PKP4: variants seen among roughly 807,000 people sequenced by gnomAD.
PKP4 encodes the protein plakophilin 4, also known as plakophilin-4.
Under a neutral mutation model 145.1 loss-of-function variants are expected in PKP4, and 90 were observed. The observed-to-expected ratio is 0.62, with a 90% CI of 0.52 to 0.74. The LOEUF (loss-of-function observed/expected upper bound fraction) is 0.74, where lower values mean the gene tolerates loss of function less well. Among genes scored for constraint, PKP4 ranks in the 30% least tolerant of loss-of-function variants. The pLI is 0.00. For missense variants in PKP4, 1,340 were observed against 1,482.7 expected (o/e 0.90, Z 1.58); for synonymous variants, 563 against 577.2 (o/e 0.98, Z 0.35).
intron 1 of PKP4, among the ~76,000 whole-genome samples, chr2:158,528,215 T>C (rs1311035722): frequency 7.2e-6 from 1 of 138,654 alleles, no homozygotes; most frequent in Non-Finnish European, 1.7e-5. Flanking sequence ...TTATTCACAA[T>C]AGCAAAGACT....
At chr2:158,467,586 C>A (rs1690836128) in intron 1 of PKP4, among the ~76,000 whole-genome samples, 1 of 150,760 alleles carries the variant, frequency 6.6e-6, no homozygotes, top group Non-Finnish European at 1.5e-5. Flanking sequence ...TGGCTCGCTC[C>A]TGTAATCTAA....
chr2:158,680,276 G>A (rs528278099), intron 21 of PKP4, among the ~76,000 whole-genome samples, 153 bp from the exon 22 acceptor site: 4 of 152,290 alleles, frequency 2.6e-5, no homozygotes, highest in Admixed American at 6.5e-5. Flanking sequence ...AATAGTAAAC[G>A]CATAGTGTGC....
intron 3 of PKP4, among the ~76,000 whole-genome samples, chr2:158,577,784 A>G (rs547426349): frequency 2.0e-4 from 31 of 152,270 alleles, no homozygotes; most frequent in African/African-American, 6.5e-4. Context: ...AATGTCTTCA[A>G]TTTACTTTGG....
chr2:158,594,516 GGGGACTAAC>G (rs1176688862), intron 3 of PKP4, among the ~76,000 whole-genome samples: 2 of 152,078 alleles, frequency 1.3e-5, no homozygotes, highest in Non-Finnish European at 1.5e-5. Context: ...TAGGAAGAGA[GGGGACTAAC>G]GGCCATTCTG....
At chr2:158,601,700 C>T (rs2050244455) in intron 3 of PKP4, among the ~76,000 whole-genome samples, 1 of 152,148 alleles carries the variant, frequency 6.6e-6, no homozygotes, top group African/African-American at 2.4e-5. Context: ...ACCCTGCTTG[C>T]AATTCGTTCA....
At chr2:158,548,001 T>C (rs1305547124) in intron 2 of PKP4, among the ~76,000 whole-genome samples, 1 of 152,242 alleles carries the variant, frequency 6.6e-6, no homozygotes, top group Non-Finnish European at 1.5e-5. Flanking sequence ...GATTTGTTCA[T>C]CTTAACATTT....
chr2:158,625,282 G>T lies in PKP4; in HGVS notation c.1008G>T (p.Ser336=), dbSNP rs200934987. The T allele has an allele frequency of 1.2e-5, 19 of 1,614,008 alleles. No individual in the cohort carries two copies. The highest frequency in any genetic ancestry group is 8.3e-5 in the Admixed American group (5 of 60,002). Residue 336 remains serine, a synonymous_variant, in exon 7 of 22, where the codon TCG becomes TCT. Transcript: ENST00000389759. ...CATCCCAAGGCCAGGTGGGGTCGTC[G>T]TCCCCCAAACGCTCAGGGATGACCG... ...ASPSQGQVGS[S]SPKRSGMTAV...
chr2:158,553,079 G>T (rs937559942), intron 2 of PKP4, among the ~76,000 whole-genome samples: 1 of 152,158 alleles, frequency 6.6e-6, no homozygotes, highest in Non-Finnish European at 1.5e-5. Context: ...GGATATTTAG[G>T]TAAAGAGATT....
In PKP4 at chr2:158,625,375, G is replaced by A. The variant is rs763663571; in HGVS notation, c.1101G>A (p.Gln367=). 3 of 1,614,182 alleles carry A rather than the reference G, an allele frequency of 1.9e-6. No individual in the cohort carries two copies. The highest frequency in any genetic ancestry group is 2.5e-6 in the Non-Finnish European group (3 of 1,180,018). ...ATGACATGGAGCAATTCGGACAGCA[G>A]CAGTATGACATTTATGAGAGGATGG... is the stretch of plus-strand genomic sequence containing the variant. ...TVHDMEQFGQ[Q]QYDIYERMVP... Residue 367 remains glutamine, a synonymous_variant, in exon 7 of 22, where the codon CAG becomes CAA. Transcript: ENST00000389759.
chr2:158,666,488 A>G lies in PKP4; in HGVS notation c.2653A>G (p.Asn885Asp). The G allele has an allele frequency of 1.2e-6, 2 of 1,613,666 alleles. No homozygotes were observed. The highest frequency in any genetic ancestry group is 8.5e-7 in the Non-Finnish European group (1 of 1,179,790). ...CCTTGTGGAGCTTCTGAGAATGGAT[A>G]ACGATAGAGTTGTTTCTTCCGTGGC... ...PILVELLRMD[N>D]DRVVSSVATA... Residue 885 changes from asparagine to aspartate, a missense_variant, in exon 16 of 22, where the codon AAC becomes GAC. By Grantham distance (23) the Asn-to-Asp change is conservative (BLOSUM62 1). Transcript: ENST00000389759.
chr2:158,537,139 A>G (rs1167598780), intron 2 of PKP4, among the ~76,000 whole-genome samples: 1 of 152,232 alleles, frequency 6.6e-6, no homozygotes, highest in African/African-American at 2.4e-5. Context: ...GTTCACAGAA[A>G]CATTGTGAGC....
At chr2:158,461,786 T>C (rs1000477293) in intron 1 of PKP4, among the ~76,000 whole-genome samples, 7 of 152,078 alleles carry the variant, frequency 4.6e-5, no homozygotes, top group African/African-American at 1.7e-4. Context: ...TTAGTACTGC[T>C]CTTCCTTCAT....
At chr2:158,493,567 A>C (rs1391624979) in intron 1 of PKP4, among the ~76,000 whole-genome samples, 1 of 152,166 alleles carries the variant, frequency 6.6e-6, no homozygotes, top group Non-Finnish European at 1.5e-5. Flanking sequence ...GTTGCTCTCT[A>C]GGCCTGCTGC....
At chr2:158,493,051 C>G (rs1203199698) in intron 1 of PKP4, among the ~76,000 whole-genome samples, 1 of 151,608 alleles carries the variant, frequency 6.6e-6, no homozygotes, top group African/African-American at 2.4e-5. Context: ...GTCCTTTGAC[C>G]CCCTTGTCTC....
At chr2:158,630,401 CAAG>C (rs778191653) in intron 7 of PKP4, among the ~76,000 whole-genome samples, 4 of 151,970 alleles carry the variant, frequency 2.6e-5, no homozygotes, top group Non-Finnish European at 5.9e-5. Context: ...AGAAGGTAAA[CAAG>C]AATCTGGTAT....
intron 4 of PKP4, among the ~76,000 whole-genome samples, chr2:158,616,210 A>G (rs1215057884): frequency 2.6e-5 from 4 of 152,210 alleles, no homozygotes. Context: ...AACGTTTCCC[A>G]GTGACCTCAT....
chr2:158,672,467 CT>C (rs2106011171), intron 17 of PKP4, among the ~76,000 whole-genome samples: 1 of 152,260 alleles, frequency 6.6e-6, no homozygotes, highest in Admixed American at 6.5e-5. Flanking sequence ...TGGAATCTGC[CT>C]TTTGAGCCTC....
intron 1 of PKP4, among the ~76,000 whole-genome samples, chr2:158,475,735 AC>A (rs750496334): frequency 3.7e-4 from 56 of 152,082 alleles, no homozygotes; most frequent in Non-Finnish European, 2.4e-4. Flanking sequence ...TGGAAGTAAG[AC>A]CCATTTGTTC....
In PKP4 at chr2:158,642,582, G is replaced by C. The variant is rs756976384; in HGVS notation, c.1792G>C (p.Val598Leu). Reference protein sequence around the residue: ...KNACGALRNLVFGKSTDENKI... With the variant: ...KNACGALRNLLFGKSTDENKI... ...TGCTTGTGGTGCCCTTCGAAACCTCGTTTTTGGCAAGTCTACAGATGAAAA... is the reference window on the plus strand; with the variant it reads ...TGCTTGTGGTGCCCTTCGAAACCTCCTTTTTGGCAAGTCTACAGATGAAAA... The change falls in exon 11 of 22, where the codon GTT (valine) becomes CTT (leucine). Residue 598 changes from valine to leucine, a missense_variant. Coordinates refer to ENST00000389759, the MANE Select transcript of PKP4 (RefSeq NM_003628.6). 2 of 1,613,838 alleles carry C rather than the reference G, an allele frequency of 1.2e-6. No individual in the cohort carries two copies. Among genetic ancestry groups the C allele is most frequent in the African/African-American group, 1.3e-5 (1 of 75,022 alleles).
Sources: gnomAD v4.1 joint callset for allele counts (sites outside exome capture counted in the v4.1 genomes callset) on GRCh38, gnomAD v4.1.1 for gene constraint, MANE v1.5 for transcripts, NCBI Gene and HGNC (gene_info 2026-07-23, HGNC 2026-07-21) for gene names.